The following ARPP21 variants were observed in gnomAD, a reference collection of about 807,000 sequenced individuals.
ARPP21 encodes cAMP regulated phosphoprotein 21.
ARPP21 carries 69 observed loss-of-function variants against 113.2 expected under a neutral mutation model. That is an observed-to-expected ratio of 0.61 (90% CI 0.50 to 0.74). ARPP21 has a LOEUF of 0.74. ARPP21 is among the 30% of genes least tolerant of loss of function. The pLI, the probability that ARPP21 is intolerant of heterozygous loss-of-function variation, is 0.00. For synonymous variants in ARPP21, 368 were observed against 375.5 expected (o/e 0.98, Z 0.23); for missense variants, 1,070 against 1,037.4 (o/e 1.03, Z -0.43).
chr3:35,707,032 C>T lies in ARPP21; in HGVS notation c.745C>T (p.Arg249Trp), dbSNP rs761602901. The change falls in exon 10 of 21, where the codon CGG becomes TGG. Residue 249 changes from arginine (R) to tryptophan (W), a missense_variant. Physicochemically the swap from Arg to Trp is moderately radical, Grantham distance 101 (BLOSUM62 -3). Transcript: ENST00000684406. ...TGAAAAAGGTGAAGAATCCCAGAAG[C>T]GGTTTATCTTGAAGCGAGATAACTC... The part of the protein sequence containing the change: ...KDEKGEESQK[R>W]FILKRDNSSI... 22 of 1,613,842 alleles carry T rather than the reference C, an allele frequency of 1.4e-5. No individual in the cohort carries two copies. Among genetic ancestry groups the T allele is most frequent in the East Asian group, 4.5e-5 (2 of 44,880 alleles).
chr3:35,783,462 A>C (rs1447375871), intron 19 of ARPP21, among the ~76,000 whole-genome samples: 1 of 151,766 alleles, frequency 6.6e-6, no homozygotes, highest in South Asian at 2.1e-4. Flanking sequence ...CCGCTCATAG[A>C]TGCCAGTTTC....
chr3:35,679,986 A>G (rs1450985022), intron 2 of ARPP21, 26 bp downstream of exon 2: 1 of 152,288 alleles, frequency 6.6e-6, no homozygotes, highest in Admixed American at 6.6e-5. Context: ...TCTGGCTGTC[A>G]TCTCATCTGC....
chr3:35,789,702 G>A (rs2096708684), intron 19 of ARPP21, among the ~76,000 whole-genome samples: 1 of 152,160 alleles, frequency 6.6e-6, no homozygotes, highest in South Asian at 2.1e-4. Context: ...CATCTGGGCT[G>A]GCAGCAAAGA....
At chr3:35,735,513 C>T (rs1423479372) in intron 15 of ARPP21, among the ~76,000 whole-genome samples, 2 of 152,136 alleles carry the variant, frequency 1.3e-5, no homozygotes, top group Non-Finnish European at 2.9e-5. Context: ...TTTCCTCTGC[C>T]ATCACACGCT....
At chr3:35,764,314 G>C (rs535334336) in intron 19 of ARPP21, among the ~76,000 whole-genome samples, 3 of 152,064 alleles carry the variant, frequency 2.0e-5, no homozygotes, top group Non-Finnish European at 2.9e-5. Context: ...GATAAATAGC[G>C]TTTTTAGAAA....
chr3:35,694,311 C>T (rs1368331267), intron 9 of ARPP21, among the ~76,000 whole-genome samples: 1 of 151,466 alleles, frequency 6.6e-6, no homozygotes, highest in Non-Finnish European at 1.5e-5. Context: ...AATCTATCTG[C>T]TCTTTTATGA....
At chr3:35,728,401 G>A (rs914846002) in intron 14 of ARPP21, among the ~76,000 whole-genome samples, 2 of 151,472 alleles carry the variant, frequency 1.3e-5, no homozygotes, top group Non-Finnish European at 2.9e-5. Context: ...TGTATTTTTA[G>A]TAGAGATGGG....
chr3:35,790,139 T>G (rs2096719139), intron 19 of ARPP21, among the ~76,000 whole-genome samples: 1 of 152,174 alleles, frequency 6.6e-6, no homozygotes, highest in Admixed American at 6.5e-5. Flanking sequence ...CAATTGGCCT[T>G]TCAGTGTATA....
chr3:35,701,415 T>C (rs1193769496), intron 9 of ARPP21, among the ~76,000 whole-genome samples: 2 of 151,738 alleles, frequency 1.3e-5, no homozygotes, highest in Non-Finnish European at 2.9e-5. Context: ...AATAAGTCTG[T>C]TTTGTTAAGC....
intron 13 of ARPP21, 150 bp downstream of exon 13, chr3:35,717,507 A>G: frequency 1.7e-6 from 1 of 575,066 alleles, no homozygotes; most frequent in Non-Finnish European, 3.1e-6. Flanking sequence ...GCTAGCGTGG[A>G]AGTCATATTG....
At chr3:35,694,644 C>T (rs2083278283) in intron 9 of ARPP21, among the ~76,000 whole-genome samples, 1 of 151,062 alleles carries the variant, frequency 6.6e-6, no homozygotes, top group Non-Finnish European at 1.5e-5. Context: ...ATCTTATTCT[C>T]TTAAAGCAAA....
intron 1 of ARPP21, among the ~76,000 whole-genome samples, chr3:35,657,242 T>C (rs557621595): frequency 6.6e-6 from 1 of 152,194 alleles, no homozygotes; most frequent in Non-Finnish European, 1.5e-5. Flanking sequence ...CACATATATG[T>C]ACACGCCCTC....
chr3:35,734,780 C>T (rs1176735256), intron 15 of ARPP21, among the ~76,000 whole-genome samples: 2 of 152,196 alleles, frequency 1.3e-5, no homozygotes, highest in Non-Finnish European at 2.9e-5. Context: ...CCCCAACCTG[C>T]TCCATTTTAC....
chr3:35,685,262 G>A (rs1011283402), intron 5 of ARPP21: 24 of 985,152 alleles, frequency 2.4e-5, no homozygotes, highest in African/African-American at 5.2e-5. Flanking sequence ...TACAATTGGT[G>A]CAGAGAAATA....
At chr3:35,715,231 T>C in intron 11 of ARPP21, 1 of 503,676 alleles carries the variant, frequency 2.0e-6, no homozygotes, top group Non-Finnish European at 3.6e-6. Context: ...GGAGACGTCC[T>C]GAAGGAAAAA....
At chr3:35,751,413 T>G (rs928819584) in intron 19 of ARPP21, among the ~76,000 whole-genome samples, 2 of 152,136 alleles carry the variant, frequency 1.3e-5, no homozygotes, top group African/African-American at 4.8e-5. Flanking sequence ...GCAAAACCCA[T>G]GCAGCTTTTA....
At chr3:35,723,518 G>A (rs2093294132) in intron 14 of ARPP21, among the ~76,000 whole-genome samples, 1 of 152,124 alleles carries the variant, frequency 6.6e-6, no homozygotes, top group Non-Finnish European at 1.5e-5. Context: ...AGCAACTGAA[G>A]TAAAGAAAAT....
chr3:35,767,677 A>G (rs1331107837), intron 19 of ARPP21, among the ~76,000 whole-genome samples: 1 of 152,172 alleles, frequency 6.6e-6, no homozygotes, highest in Non-Finnish European at 1.5e-5. Flanking sequence ...AGGGACTTAT[A>G]TGTCCTATCA....
Position 35,769,332 on chromosome 3 carries a change from C to T in ARPP21, c.2138-23050C>T, listed in dbSNP as rs547719470. ...TGACTACTGCCCTCTCCACTCTTGCCTGGAACACCTATGTTACTGTAACAT... is the reference window on the plus strand; with the variant it reads ...TGACTACTGCCCTCTCCACTCTTGCTTGGAACACCTATGTTACTGTAACAT... On this transcript the variant is annotated intron_variant, in intron 19 of 20. Transcript: ENST00000684406. 1.4e-4 allele frequency among the ~76,000 whole-genome samples: 22 copies of T among 152,252 alleles called. No homozygotes were observed. The South Asian group carries it at 4.6e-3, about 32-fold the overall frequency.
Sources: allele counts gnomAD v4.1 joint callset (sites outside exome capture counted in the v4.1 genomes callset), GRCh38; gene constraint gnomAD v4.1.1; transcripts MANE v1.5; gene names NCBI Gene and HGNC (gene_info 2026-07-23, HGNC 2026-07-21).